Variants in TNIK observed in about 807,000 individuals in gnomAD.
TNIK encodes the protein TRAF2 and NCK-interacting protein kinase.
Under a neutral mutation model 191.3 loss-of-function variants are expected in TNIK, and 49 were observed. The observed-to-expected ratio is 0.26, with a 90% confidence interval of 0.20 to 0.32. The LOEUF (loss-of-function observed/expected upper bound fraction) is 0.32, where lower values mean the gene tolerates loss of function less well. TNIK is among the 10% of genes least tolerant of loss of function. TNIK has a pLI of 1.00. For missense variants in TNIK, 1,155 were observed against 1,702.3 expected (o/e 0.68, Z 5.66); for synonymous variants, 594 against 600.9 (o/e 0.99, Z 0.17).
In TNIK at chr3:171,066,561, G is replaced by A. The variant is rs1320041617; in HGVS notation, c.3859+15C>T. 6.2e-7 allele frequency: 1 copy of A among 1,613,114 alleles called. No homozygotes were observed. ...GGGTGTAACTGCTGAAGGAGATAAGGAATGGTTAACCTACCCACAGACGTG... is the reference window on the plus strand; with the variant it reads ...GGGTGTAACTGCTGAAGGAGATAAGAAATGGTTAACCTACCCACAGACGTG... On this transcript the variant is annotated intron_variant, in intron 31 of 32. Coordinates refer to ENST00000436636, the MANE Select transcript of TNIK (RefSeq NM_015028.4).
intron 2 of TNIK, among the ~76,000 whole-genome samples, chr3:171,333,532 C>T (rs146149334): frequency 8.7e-5 from 13 of 148,756 alleles, no homozygotes; most frequent in Admixed American, 2.7e-4. Flanking sequence ...CAAGATCGCA[C>T]CACTGCACTC....
chr3:171,270,819 A>G (rs1325175799), intron 2 of TNIK, among the ~76,000 whole-genome samples: 1 of 152,212 alleles, frequency 6.6e-6, no homozygotes, highest in East Asian at 1.9e-4. Context: ...TAATGGGGAT[A>G]ATAAAGGTTC....
rs542242822 is a variant in TNIK at position 171,077,616 on chromosome 3, T to A, written c.3448+1902A>T. On this transcript the variant is annotated intron_variant, in intron 28 of 32. Transcript: ENST00000436636. Reference sequence around the variant, plus strand: ...GTCTTGAGCCTACCAGTGCTCATAGTGGAACAACACCATCAGCTCTCCTGG... The same window carrying A: ...GTCTTGAGCCTACCAGTGCTCATAGAGGAACAACACCATCAGCTCTCCTGG... Among the ~76,000 whole-genome samples, 73 of 152,226 alleles carry A rather than the reference T, an allele frequency of 4.8e-4. 1 individual carries two copies. The South Asian group carries it at 6.6e-3, about 14-fold the overall frequency.
At chr3:171,374,050 A>G (rs1301931539) in intron 1 of TNIK, among the ~76,000 whole-genome samples, 1 of 152,224 alleles carries the variant, frequency 6.6e-6, no homozygotes, top group Non-Finnish European at 1.5e-5. Flanking sequence ...TCCAATACAT[A>G]ACTGCTAGAT....
intron 2 of TNIK, among the ~76,000 whole-genome samples, chr3:171,314,053 T>C (rs1287596039): frequency 1.3e-5 from 2 of 152,196 alleles, no homozygotes; most frequent in Non-Finnish European, 2.9e-5. Context: ...TGTTTAATAC[T>C]TGGTGCCATA....
At chr3:171,237,615 A>C (rs1415269906) in intron 2 of TNIK, among the ~76,000 whole-genome samples, 1 of 152,162 alleles carries the variant, frequency 6.6e-6, no homozygotes, top group East Asian at 1.9e-4. Context: ...TTATATCTAA[A>C]ACTTATATAC....
chr3:171,269,024 A>G (rs1748755805), intron 2 of TNIK, among the ~76,000 whole-genome samples: 1 of 152,316 alleles, frequency 6.6e-6, no homozygotes, highest in African/African-American at 2.4e-5. Context: ...GATATAGCCC[A>G]CTCAAGTTAC....
chr3:171,117,734 G>T (rs1726967715), intron 18 of TNIK, among the ~76,000 whole-genome samples: 1 of 152,128 alleles, frequency 6.6e-6, no homozygotes, highest in Non-Finnish European at 1.5e-5. Flanking sequence ...ACTTTGGGAG[G>T]CCGAGACAGG....
At chr3:171,174,254 G>C (rs762595643) in intron 9 of TNIK, among the ~76,000 whole-genome samples, 1 of 152,160 alleles carries the variant, frequency 6.6e-6, no homozygotes, top group Non-Finnish European at 1.5e-5. Context: ...GAGCCTGTGT[G>C]TGGGTGGGTG....
intron 2 of TNIK, among the ~76,000 whole-genome samples, chr3:171,354,366 C>A (rs1258294447): frequency 6.6e-6 from 1 of 151,332 alleles, no homozygotes; most frequent in Non-Finnish European, 1.5e-5. Flanking sequence ...AATTAGAGCA[C>A]CTGAGCTGGT....
intron 7 of TNIK, among the ~76,000 whole-genome samples, chr3:171,177,767 C>T (rs1358892973): frequency 6.6e-6 from 1 of 152,160 alleles, no homozygotes; most frequent in Non-Finnish European, 1.5e-5. Context: ...ACGTAGGGAT[C>T]CTCCTGTGAA....
chr3:171,121,778 G>T lies in TNIK; in HGVS notation c.2120+1818C>A, dbSNP rs78832716. On this transcript the variant is annotated intron_variant, in intron 18 of 32. Coordinates refer to ENST00000436636, the MANE Select transcript of TNIK (RefSeq NM_015028.4). ...TAAAAATGCAATCCAATCTAGAACC[G>T]CAAATCTGATTTACACCTTAAATGC... Among the ~76,000 whole-genome samples, 555 of 152,188 alleles carry T rather than the reference G, an allele frequency of 3.6e-3. 1 individual carries two copies. Among genetic ancestry groups the T allele is most frequent in the Non-Finnish European group, 6.8e-3 (462 of 68,018 alleles).
intron 4 of TNIK, among the ~76,000 whole-genome samples, chr3:171,204,358 A>G (rs1739803130): frequency 6.6e-6 from 1 of 152,250 alleles, no homozygotes; most frequent in African/African-American, 2.4e-5. Context: ...TAATTCAATC[A>G]GACACCTGAA....
chr3:171,312,798 T>C (rs998025178), intron 2 of TNIK, among the ~76,000 whole-genome samples: 2 of 152,180 alleles, frequency 1.3e-5, no homozygotes, highest in Non-Finnish European at 2.9e-5. Flanking sequence ...ACAATATTAC[T>C]ACTTTGGCTT....
intron 2 of TNIK, among the ~76,000 whole-genome samples, chr3:171,249,307 C>T (rs1745969078): frequency 6.6e-6 from 1 of 152,150 alleles, no homozygotes; most frequent in South Asian, 2.1e-4. Flanking sequence ...CAATGTTACA[C>T]CACATATTTT....
At chr3:171,401,424 G>A (rs4894435) in intron 1 of TNIK, among the ~76,000 whole-genome samples, 94,088 of 151,864 alleles carry the variant, frequency 0.62, 30,224 homozygotes, top group African/African-American at 0.67. Context: ...GCTGTCTAAC[G>A]ATCACTGGTT....
chr3:171,129,871 G>C (rs1234697176), intron 15 of TNIK, among the ~76,000 whole-genome samples: 1 of 152,218 alleles, frequency 6.6e-6, no homozygotes, highest in Non-Finnish European at 1.5e-5. Context: ...TATGGCTTAA[G>C]ATCTTAGACA....
At chr3:171,307,053 G>A (rs191158902) in intron 2 of TNIK, among the ~76,000 whole-genome samples, 10 of 152,106 alleles carry the variant, frequency 6.6e-5, no homozygotes, top group South Asian at 2.1e-4. Flanking sequence ...TCATGGCCAC[G>A]GCCAGAGGTT....
intron 1 of TNIK, among the ~76,000 whole-genome samples, chr3:171,411,948 T>C (rs894289222): frequency 6.6e-6 from 1 of 152,188 alleles, no homozygotes; most frequent in Non-Finnish European, 1.5e-5. Flanking sequence ...TGGTTCTGTC[T>C]GAATCCTTTC....
Sources: allele counts gnomAD v4.1 joint callset (sites outside exome capture counted in the v4.1 genomes callset), GRCh38; gene constraint gnomAD v4.1.1; transcripts MANE v1.5; gene names NCBI Gene and HGNC (gene_info 2026-07-23, HGNC 2026-07-21).